Variants in ZNF146 observed in about 807,000 individuals in gnomAD.
The protein encoded by ZNF146 is zinc finger protein 146, also known as zinc finger protein OZF.
A neutral mutation model predicts 22.2 loss-of-function variants in ZNF146; 9 were observed. The observed-to-expected ratio is 0.41, with a 90% CI of 0.24 to 0.71. ZNF146 has a LOEUF of 0.71. Ranked by LOEUF, ZNF146 falls within the 30% of genes least tolerant of loss-of-function variation. The pLI, the probability that ZNF146 is intolerant of heterozygous loss-of-function variation, is 0.34. For missense variants in ZNF146, 194 were observed against 344.8 expected (o/e 0.56, Z 3.46); for synonymous variants, 108 against 119.2 (o/e 0.91, Z 0.61).
rs1977735893 is a variant in ZNF146, at chr19:36,238,679, C to G, written c.*1360C>G. On this transcript the variant is annotated 3_prime_UTR_variant, in exon 4 of 4. Transcript: ENST00000443387. ...ACTAAACATTTTATAGAAAATATTT[C>G]TAAAATTTTATCACGGATGAATGGA... is the stretch of plus-strand genomic sequence containing the variant. 1 of 167,010 alleles carries G rather than the reference C, an allele frequency of 6.0e-6. No individual in the cohort carries two copies. The highest frequency in any genetic ancestry group is 1.5e-5 in the Non-Finnish European group (1 of 68,092). The allele number at this position is 167,010 out of a possible 1,614,324, so 10.3% of individuals were successfully genotyped here.
In ZNF146 at chr19:36,237,262, G is replaced by A; in HGVS notation, c.822G>A (p.Gly274=). The A allele has an allele frequency of 2.5e-6, 4 of 1,613,920 alleles. No individual in the cohort carries two copies. Among genetic ancestry groups the A allele is most frequent in the Non-Finnish European group, 3.4e-6 (4 of 1,179,904 alleles). ...GKKPYQCSEC[G]KAFSQKSHHI... ...AGCCTTATCAGTGCAGTGAATGTGG[G>A]AAAGCTTTCAGCCAGAAGTCACACC... The change falls in exon 4 of 4, where the codon GGG becomes GGA. Residue 274 remains glycine (G), a synonymous_variant. Coordinates refer to ENST00000443387, the MANE Select transcript of ZNF146 (RefSeq NM_007145.3).
rs577921853 is a variant in ZNF146, at chr19:36,235,379, G to T, written c.-782-280G>T. On this transcript the variant is annotated intron_variant, in intron 3 of 3. Transcript: ENST00000443387. ...ATTTTTCAAGAGTACTTTCAGCTTT[G>T]TGGACCCATGAATGTTAATTTTCTA... 2.0e-5 allele frequency among the ~76,000 whole-genome samples: 3 copies of T among 152,128 alleles called. No homozygotes were observed. The South Asian group carries it at 6.2e-4, about 32-fold the overall frequency.
At chr19:36,231,108 C>T (rs1977343790) in intron 3 of ZNF146, among the ~76,000 whole-genome samples, 1 of 152,094 alleles carries the variant, frequency 6.6e-6, no homozygotes. Context: ...TAAACGTGAC[C>T]ACAACTGACT....
intron 2 of ZNF146, among the ~76,000 whole-genome samples, chr19:36,221,316 TCTCA>T (rs1269224273): frequency 8.3e-6 from 1 of 120,812 alleles, no homozygotes; most frequent in Non-Finnish European, 1.6e-5. Context: ...TGAGACGGAG[TCTCA>T]CTCTGTCCCC....
At chr19:36,232,387 T>C (rs1219359295) in intron 3 of ZNF146, among the ~76,000 whole-genome samples, 1 of 152,154 alleles carries the variant, frequency 6.6e-6, no homozygotes, top group African/African-American at 2.4e-5. Context: ...TCCCTCTGCT[T>C]GTCCATTACT....
rs1408917879 is a variant in ZNF146, at chr19:36,238,050, C to T, written c.*731C>T. Reference sequence around the variant, plus strand: ...CAGGAAATACGCACTAGGATATTTACTGTGGCTTGATTTGTAGTAGCCAAA... The same window carrying T: ...CAGGAAATACGCACTAGGATATTTATTGTGGCTTGATTTGTAGTAGCCAAA... On this transcript the variant is annotated 3_prime_UTR_variant, in exon 4 of 4. Transcript: ENST00000443387. 5 of 167,094 alleles carry T rather than the reference C, an allele frequency of 3.0e-5. No homozygotes were observed. Among genetic ancestry groups the T allele is most frequent in the Non-Finnish European group, 7.3e-5 (5 of 68,116 alleles). 10.4% of individuals were successfully genotyped at this position (167,094 alleles called of 1,614,324 possible). A position where few individuals can be genotyped will look rare whatever the true frequency, so the allele number is the denominator to read the frequency against.
chr19:36,224,581 T>A (rs1449211367), intron 2 of ZNF146, among the ~76,000 whole-genome samples: 1 of 152,236 alleles, frequency 6.6e-6, no homozygotes, highest in Non-Finnish European at 1.5e-5. Context: ...TACTTTGTGG[T>A]ATAGCTAGTC....
At chr19:36,220,483 G>T (rs1269714282) in intron 2 of ZNF146, among the ~76,000 whole-genome samples, 1 of 151,988 alleles carries the variant, frequency 6.6e-6, no homozygotes, top group Non-Finnish European at 1.5e-5. Context: ...TCCTGCTTCA[G>T]CCTCCCGAGT....
chr19:36,224,106 G>A (rs576357246), intron 2 of ZNF146, among the ~76,000 whole-genome samples: 4 of 152,234 alleles, frequency 2.6e-5, no homozygotes, highest in South Asian at 2.1e-4. Flanking sequence ...ACCTGGCTGG[G>A]CACGGTGGCT....
At chr19:36,221,633 G>A (rs961064057) in intron 2 of ZNF146, among the ~76,000 whole-genome samples, 4 of 152,118 alleles carry the variant, frequency 2.6e-5, no homozygotes, top group African/African-American at 7.2e-5. Context: ...ATTGAAGTAA[G>A]TAATGCATTT....
At chr19:36,232,479 A>C (rs191258178) in intron 3 of ZNF146, among the ~76,000 whole-genome samples, 2 of 152,298 alleles carry the variant, frequency 1.3e-5, no homozygotes, top group Non-Finnish European at 2.9e-5. Flanking sequence ...TATAGTCTGC[A>C]TTATAATCCG....
At chr19:36,235,389 G>C (rs774870290) in intron 3 of ZNF146, among the ~76,000 whole-genome samples, 17 of 152,204 alleles carry the variant, frequency 1.1e-4, no homozygotes, top group Admixed American at 7.2e-4. Flanking sequence ...GTGGACCCAT[G>C]AATGTTAATT....
chr19:36,223,357 A>AG (rs34297996), intron 2 of ZNF146, among the ~76,000 whole-genome samples: 2 of 151,514 alleles, frequency 1.3e-5, no homozygotes, highest in African/African-American at 4.9e-5. Context: ...AAAAAAAAAA[A>AG]TCTAGTTACA....
At chr19:36,235,265 G>A (rs1416358489) in intron 3 of ZNF146, among the ~76,000 whole-genome samples, 1 of 151,122 alleles carries the variant, frequency 6.6e-6, no homozygotes, top group Non-Finnish European at 1.5e-5. Context: ...AGCATCCCAG[G>A]TAGACTTTCT....
intron 2 of ZNF146, among the ~76,000 whole-genome samples, chr19:36,218,916 C>T (rs901489942): frequency 6.6e-6 from 1 of 151,846 alleles, no homozygotes; most frequent in African/African-American, 2.4e-5. Context: ...TCACGCCATT[C>T]TCCAGCCTTA....
intron 2 of ZNF146, among the ~76,000 whole-genome samples, chr19:36,224,949 C>T (rs867331538): frequency 1.3e-5 from 2 of 151,070 alleles, no homozygotes; most frequent in Admixed American, 6.6e-5. Flanking sequence ...CTGTTGATTT[C>T]TACATACTAA....
chr19:36,222,835 T>C (rs1425776032), intron 2 of ZNF146, among the ~76,000 whole-genome samples: 1 of 128,328 alleles, frequency 7.8e-6, no homozygotes. Context: ...TTCACAGTGG[T>C]TTCTTTTTTT....
chr19:36,216,622 C>T (rs1194281360), intron 1 of ZNF146, among the ~76,000 whole-genome samples: 1 of 151,720 alleles, frequency 6.6e-6, no homozygotes, highest in Non-Finnish European at 1.5e-5. Context: ...CTCGCCACTG[C>T]ACTCCAGCCT....
intron 2 of ZNF146, among the ~76,000 whole-genome samples, chr19:36,224,824 C>T (rs566784442): frequency 5.5e-4 from 84 of 151,954 alleles, no homozygotes; most frequent in Non-Finnish European, 9.9e-4. Context: ...TTTTTGGGTC[C>T]TCTAGGGTGT....
Sources: gnomAD v4.1 joint callset for allele counts (sites outside exome capture counted in the v4.1 genomes callset) on GRCh38, gnomAD v4.1.1 for gene constraint, MANE v1.5 for transcripts, NCBI Gene and HGNC (gene_info 2026-07-23, HGNC 2026-07-21) for gene names.